Variants in OR5B3 observed in about 807,000 individuals in gnomAD.
The protein encoded by OR5B3 is olfactory receptor family 5 subfamily B member 3, also known as olfactory receptor 5B3.
For synonymous variants in OR5B3, 150 were observed against 135.0 expected, an observed-to-expected ratio of 1.11 and a Z score of -0.77; for missense variants, 430 against 375.4, an observed-to-expected ratio of 1.15 and a Z score of -1.20.
rs1855067217 is a variant in OR5B3, at chr11:58,403,755, A to G, written c.-26-320T>C. Among the ~76,000 whole-genome samples the G allele has an allele frequency of 2.0e-5, 3 of 152,194 alleles. No individual in the cohort carries two copies. The South Asian group carries it at 6.2e-4, about 31-fold the overall frequency. ...TCAATTTACTTTTCCTGAGCACAGT[A>G]AAAGCTGACACATGTTGCTAATTTA... On this transcript the variant is annotated intron_variant, in intron 1 of 1. Coordinates refer to ENST00000641865, the MANE Select transcript of OR5B3 (RefSeq NM_001005469.2).
chr11:58,402,583 T>C lies in OR5B3; in HGVS notation c.827A>G (p.Tyr276Cys), dbSNP rs1411158124. Residue 276 changes from tyrosine (Y) to cysteine (C), a missense_variant, in exon 2 of 2, where the codon TAT (tyrosine) becomes TGT (cysteine). Coordinates refer to ENST00000641865, the MANE Select transcript of OR5B3 (RefSeq NM_001005469.2). ...MDTDKMAPVF[Y>C]TMVIPMLNPL... ...GTTCAGCATGGGGATGACCATTGTATAGAACACAGGTGCCATTTTGTCTGT... is the reference window on the plus strand; with the variant it reads ...GTTCAGCATGGGGATGACCATTGTACAGAACACAGGTGCCATTTTGTCTGT... 1.2e-6 allele frequency: 2 copies of C among 1,613,252 alleles called. No individual in the cohort carries two copies. The highest frequency in any genetic ancestry group is 1.7e-5 in the Admixed American group (1 of 59,960).
chr11:58,404,931 G>T (rs1162615102), intron 1 of OR5B3, among the ~76,000 whole-genome samples: 1 of 152,032 alleles, frequency 6.6e-6, no homozygotes, highest in East Asian at 1.9e-4. Flanking sequence ...AGATACAAGG[G>T]TTACACGTGC....
At chr11:58,404,322 T>C (rs2119893450) in intron 1 of OR5B3, among the ~76,000 whole-genome samples, 1 of 129,470 alleles carries the variant, frequency 7.7e-6, no homozygotes, top group East Asian at 2.0e-4. Flanking sequence ...TAATGTGACC[T>C]ACTTTGAGGT....
At chr11:58,405,335 A>G (rs918562460) in intron 1 of OR5B3, among the ~76,000 whole-genome samples, 5 of 152,204 alleles carry the variant, frequency 3.3e-5, no homozygotes, top group African/African-American at 1.2e-4. Flanking sequence ...AGACAAATAC[A>G]TATGGTCAAC....
intron 1 of OR5B3, among the ~76,000 whole-genome samples, chr11:58,406,261 A>T (rs939631169): frequency 2.0e-5 from 3 of 152,182 alleles, no homozygotes; most frequent in African/African-American, 7.2e-5. Context: ...TTGAGAAGTG[A>T]TATGATGCTC....
chr11:58,402,705 A>G lies in OR5B3; in HGVS notation c.705T>C (p.Pro235=), dbSNP rs765908778. The change falls in exon 2 of 2, where the codon CCT becomes CCC. Residue 235 remains proline, a synonymous_variant. Transcript: ENST00000641865. The part of the protein sequence containing the change: ...KMHSASVYQK[P]LSTCASHFIA... Reference sequence around the variant, plus strand: ...TGAAATGAGAGGCACAGGTGGACAAAGGCTTCTGGTATACTGAAGCTGAGT... The same window carrying G: ...TGAAATGAGAGGCACAGGTGGACAAGGGCTTCTGGTATACTGAAGCTGAGT... 57 of 1,613,730 alleles carry G rather than the reference A, an allele frequency of 3.5e-5. No homozygotes were observed. The highest frequency in any genetic ancestry group is 4.7e-5 in the Non-Finnish European group (56 of 1,179,726).
At chr11:58,405,745 C>T (rs1855090597) in intron 1 of OR5B3, among the ~76,000 whole-genome samples, 1 of 151,932 alleles carries the variant, frequency 6.6e-6, no homozygotes, top group African/African-American at 2.4e-5. Context: ...CACACGTAGC[C>T]CTGAACTTAA....
rs771590665 is a variant in OR5B3, at chr11:58,402,880, C to T, written c.530G>A (p.Cys177Tyr). 6.2e-7 allele frequency: 1 copy of T among 1,613,860 alleles called. No individual in the cohort carries two copies. The highest frequency in any genetic ancestry group is 1.3e-5 in the African/African-American group (1 of 74,880). ...GAGAACCATGACTGCTGGAATATCA[C>T]AGAAAAAGTGATGGACTTCATTGGA... The part of the protein sequence containing the change: ...CKSNEVHHFF[C>Y]DIPAVMVLSC... The change falls in exon 2 of 2, where the codon TGT becomes TAT. Residue 177 changes from cysteine (C) to tyrosine (Y), a missense_variant. Transcript: ENST00000641865.
In OR5B3 at chr11:58,403,103, CA is replaced by C; in HGVS notation, c.306del (p.Phe102LeufsTer2). 6.2e-7 allele frequency: 1 copy of C among 1,614,080 alleles called. No homozygotes were observed. The highest frequency in any genetic ancestry group is 8.5e-7 in the Non-Finnish European group (1 of 1,179,970). On this transcript the variant is annotated frameshift_variant, in exon 2 of 2. Transcript: ENST00000641865. LOFTEE classifies it low-confidence loss of function (END_TRUNC). The stretch of plus-strand genomic sequence containing the variant: ...TAATTTTCCACAGTGGCAAAAGCTA[CA>C]AAGATATACATTTGAGCAGCACATG... ...YNACAAQMYIFVAFATVENYL... is the reference protein window; with the variant it reads ...YNACAAQMYIXVAFATVENYL...
rs374349651 is a variant in OR5B3 at position 58,402,825 on chromosome 11, A to G, written c.585T>C (p.Leu195=). ...TGAAGCTCACAACATAAATAAGAACAAGCTCGCTAATATGTCTATCAGAGC... is the reference window on the plus strand; with the variant it reads ...TGAAGCTCACAACATAAATAAGAACGAGCTCGCTAATATGTCTATCAGAGC... The part of the protein sequence containing the change: ...LSCSDRHISE[L]VLIYVVSFNI... Residue 195 remains leucine (L), a synonymous_variant, in exon 2 of 2, where the codon CTT becomes CTC. Coordinates refer to ENST00000641865, the MANE Select transcript of OR5B3 (RefSeq NM_001005469.2). 1.9e-6 allele frequency: 3 copies of G among 1,613,886 alleles called. No individual in the cohort carries two copies. The highest frequency in any genetic ancestry group is 1.1e-5 in the South Asian group (1 of 91,072).
In OR5B3 at chr11:58,403,125, A is replaced by G. The variant is rs1417548661; in HGVS notation, c.285T>C (p.Cys95=). The part of the protein sequence containing the change: ...IEDKVISYNA[C]AAQMYIFVAF... The stretch of plus-strand genomic sequence containing the variant: ...CTACAAAGATATACATTTGAGCAGC[A>G]CATGCATTGTAAGAGATGACCTTGT... Residue 95 remains cysteine (C), a synonymous_variant, in exon 2 of 2, where the codon TGT becomes TGC. Transcript: ENST00000641865. 6.2e-7 allele frequency: 1 copy of G among 1,614,036 alleles called. No homozygotes were observed. The highest frequency in any genetic ancestry group is 1.3e-5 in the African/African-American group (1 of 74,948).
rs1855052806 is a variant in OR5B3 at position 58,402,999 on chromosome 11, AGTT to A, written c.408_410del (p.Thr137del). ...AGCCTATGGCCAGACGAGCACACAC[AGTT>A]GTTGTCATGGTTGTGGTGTAATGTA... On this transcript the variant is annotated inframe_deletion, in exon 2 of 2. Transcript: ENST00000641865. The A allele has an allele frequency of 6.2e-7, 1 of 1,614,024 alleles. No individual in the cohort carries two copies. Among genetic ancestry groups the A allele is most frequent in the East Asian group, 2.2e-5 (1 of 44,882 alleles).
intron 1 of OR5B3, among the ~76,000 whole-genome samples, chr11:58,405,320 T>C (rs2119895348): frequency 6.6e-6 from 1 of 152,204 alleles, no homozygotes; most frequent in Non-Finnish European, 1.5e-5. Context: ...GTCATTTTAC[T>C]AAAAAGACAA....
intron 1 of OR5B3, among the ~76,000 whole-genome samples, chr11:58,403,768 T>C (rs1855067477): frequency 1.3e-5 from 2 of 152,162 alleles, no homozygotes; most frequent in Admixed American, 1.3e-4. Flanking sequence ...AGCTGACACA[T>C]GTTGCTAATT....
rs760872631 is a variant in OR5B3, at chr11:58,403,040, C to T, written c.370G>A (p.Val124Met). The change falls in exon 2 of 2, where the codon GTG becomes ATG. Residue 124 changes from valine to methionine, a missense_variant. Val to Met is a conservative substitution (Grantham distance 21, BLOSUM62 1). Transcript: ENST00000641865. ...ASMAYDRYAA[V>M]CKPLHYTTTM... ...GTGGTGTAATGTAGGGGTTTGCACA[C>T]TGCTGCATAGCGGTCATAGGCCATT... 16 of 1,613,958 alleles carry T rather than the reference C, an allele frequency of 9.9e-6. No homozygotes were observed. The highest frequency in any genetic ancestry group is 1.6e-4 in the Middle Eastern group (1 of 6,080).
At chr11:58,406,519 G>C (rs1167838853) in intron 1 of OR5B3, among the ~76,000 whole-genome samples, 1 of 151,212 alleles carries the variant, frequency 6.6e-6, no homozygotes. Flanking sequence ...CCACTCATGA[G>C]AAACCAATAT....
rs528793764 is a variant in OR5B3, at chr11:58,403,121, C to A, written c.289G>T (p.Ala97Ser). The A allele has an allele frequency of 1.2e-6, 2 of 1,613,976 alleles. No individual in the cohort carries two copies. The highest frequency in any genetic ancestry group is 1.3e-5 in the African/African-American group (1 of 74,924). Reference sequence around the variant, plus strand: ...AAAGCTACAAAGATATACATTTGAGCAGCACATGCATTGTAAGAGATGACC... The same window carrying A: ...AAAGCTACAAAGATATACATTTGAGAAGCACATGCATTGTAAGAGATGACC... ...DKVISYNACA[A>S]QMYIFVAFAT... The change falls in exon 2 of 2, where the codon GCT (alanine) becomes TCT (serine). Residue 97 changes from alanine (A) to serine (S), a missense_variant. Transcript: ENST00000641865.
intron 1 of OR5B3, among the ~76,000 whole-genome samples, chr11:58,406,174 C>T (rs7125992): frequency 0.32 from 48,760 of 151,328 alleles, 7,885 homozygotes; most frequent in Non-Finnish European, 0.36. Flanking sequence ...TGCGTGTGTG[C>T]GCATGTGTGT....
chr11:58,402,829 T>G lies in OR5B3; in HGVS notation c.581A>C (p.Glu194Ala), dbSNP rs2119888937. ...VLSCSDRHIS[E>A]LVLIYVVSFN... ...GCTCACAACATAAATAAGAACAAGC[T>G]CGCTAATATGTCTATCAGAGCAAGA... The change falls in exon 2 of 2, where the codon GAG (glutamate) becomes GCG (alanine). Residue 194 changes from glutamate (E) to alanine (A), a missense_variant. By Grantham distance (107) the Glu-to-Ala change is moderately radical. Transcript: ENST00000641865. The G allele has an allele frequency of 6.2e-7, 1 of 1,613,834 alleles. No individual in the cohort carries two copies. The highest frequency in any genetic ancestry group is 2.2e-5 in the East Asian group (1 of 44,886).
Sources: allele counts gnomAD v4.1 joint callset (sites outside exome capture counted in the v4.1 genomes callset), GRCh38; gene constraint gnomAD v4.1.1; transcripts MANE v1.5; gene names NCBI Gene and HGNC (gene_info 2026-07-23, HGNC 2026-07-21).